The following MYO1H variants were observed in gnomAD, a reference collection of about 807,000 sequenced individuals.
MYO1H encodes the protein myosin IH.
In MYO1H, 118 loss-of-function variants were observed where a neutral mutation model predicts 149.3. The ratio of observed to expected loss-of-function variants is 0.79; its 90% CI spans 0.68 to 0.92. The LOEUF (loss-of-function observed/expected upper bound fraction) is 0.92, where lower values mean the gene tolerates loss of function less well. Ranked by LOEUF, MYO1H falls within the 40% of genes least tolerant of loss-of-function variation. The pLI, the probability that MYO1H is intolerant of heterozygous loss-of-function variation, is 0.00. For missense variants in MYO1H, 1,212 were observed against 1,280.7 expected (o/e 0.95, Z 0.82); for synonymous variants, 447 against 465.2 (o/e 0.96, Z 0.50).
the MYO1H span, among the ~76,000 whole-genome samples, chr12:109,326,990 A>G: frequency 2.0e-5 from 3 of 152,132 alleles, no homozygotes; most frequent in Admixed American, 6.6e-5. Flanking sequence ...CATCTCTTAG[A>G]TATTAACACT....
At chr12:109,356,812 C>G (rs1166744271) in intron 1 of MYO1H, among the ~76,000 whole-genome samples, 1 of 152,148 alleles carries the variant, frequency 6.6e-6, no homozygotes, top group Non-Finnish European at 1.5e-5. Flanking sequence ...AATAAAACAC[C>G]AACAGTCCCC....
chr12:109,438,679 T>C, intron 23 of MYO1H, 59 bp downstream of exon 23: 2 of 1,298,388 alleles, frequency 1.5e-6, no homozygotes, highest in East Asian at 4.9e-5. Context: ...CCTGCAGGGA[T>C]GGTCATGGAG....
intron 1 of MYO1H, among the ~76,000 whole-genome samples, chr12:109,360,895 A>G (rs1868729859): frequency 6.6e-6 from 1 of 152,206 alleles, no homozygotes; most frequent in South Asian, 2.1e-4. Flanking sequence ...TTGAAGGTAT[A>G]ACGGAGTAGT....
intron 23 of MYO1H, 120 bp from the exon 24 acceptor site, chr12:109,439,511 A>C: frequency 1.0e-6 from 1 of 1,003,506 alleles, no homozygotes; most frequent in Non-Finnish European, 1.5e-6. Context: ...CCTCTGGCCT[A>C]TGTGGTCATC....
chr12:109,437,568 C>T (rs1262663616), intron 22 of MYO1H, among the ~76,000 whole-genome samples: 2 of 152,098 alleles, frequency 1.3e-5, no homozygotes, highest in Non-Finnish European at 2.9e-5. Context: ...AGGAAAGTAG[C>T]TTTAGATAAT....
rs1872269134 is a variant in MYO1H at position 109,443,127 on chromosome 12, T to TGTGTATATGTGTAC, written c.2689-387_2689-386insGTGTATATGTGTAC. Among the ~76,000 whole-genome samples, 125 of 13,060 alleles carry TGTGTATATGTGTAC rather than the reference T, an allele frequency of 9.6e-3. 7 individuals are homozygous for TGTGTATATGTGTAC. Among genetic ancestry groups the TGTGTATATGTGTAC allele is most frequent in the East Asian group, 0.023 (5 of 220 alleles). 8.6% of individuals were successfully genotyped at this position (13,060 alleles called of 152,430 possible). A position where few individuals can be genotyped will look rare whatever the true frequency, so the allele number is the denominator to read the frequency against. ...ACGTATATGTGTGTATATGTGTACG[T>TGTGTATATGTGTAC]ATATATGTGTGTATATGTGTACGTA... On this transcript the variant is annotated intron_variant, in intron 27 of 31. Transcript: ENST00000310903.
At chr12:109,445,061 G>T (rs1483000321) in intron 30 of MYO1H, among the ~76,000 whole-genome samples, 4 of 152,164 alleles carry the variant, frequency 2.6e-5, no homozygotes, top group Non-Finnish European at 4.4e-5. Flanking sequence ...TCAGAGAAAT[G>T]AAGTCAGTGA....
intron 23 of MYO1H, among the ~76,000 whole-genome samples, chr12:109,439,223 C>T (rs573067556): frequency 6.6e-6 from 1 of 152,182 alleles, no homozygotes; most frequent in East Asian, 1.9e-4. Flanking sequence ...TACAGGCACA[C>T]ACCACCACAC....
chr12:109,362,969 A>T (rs933447147), intron 1 of MYO1H, among the ~76,000 whole-genome samples: 4 of 152,204 alleles, frequency 2.6e-5, no homozygotes, highest in Non-Finnish European at 5.9e-5. Flanking sequence ...CAGGGAGTGA[A>T]GTTGGAGAGT....
At chr12:109,327,133 TC>T in the MYO1H span, among the ~76,000 whole-genome samples, 300 of 130,000 alleles carry the variant, frequency 2.3e-3, 24 homozygotes, top group Middle Eastern at 7.5e-3. Flanking sequence ...TTTTTCTTTT[TC>T]TTTTTTTTTT....
chr12:109,429,579 C>T (rs1399319814), intron 19 of MYO1H, among the ~76,000 whole-genome samples: 4 of 152,098 alleles, frequency 2.6e-5, no homozygotes, highest in Non-Finnish European at 5.9e-5. Context: ...TATGCAAACA[C>T]TATGCCATTT....
At chr12:109,409,992 A>G (rs1870595328) in exon 12 of MYO1H, 2 of 1,540,604 alleles carry the variant, frequency 1.3e-6, no homozygotes, top group Non-Finnish European at 8.8e-7. Flanking sequence ...AATTACTGCA[A>G]TGAGAAACTC....
the MYO1H span, among the ~76,000 whole-genome samples, chr12:109,328,388 TCTTG>T: frequency 6.6e-6 from 1 of 151,798 alleles, no homozygotes; most frequent in Non-Finnish European, 1.5e-5. Context: ...GAGATGGGGG[TCTTG>T]CTTATGTTGC....
chr12:109,365,821 C>A (rs1286262992), intron 1 of MYO1H, among the ~76,000 whole-genome samples: 3 of 152,168 alleles, frequency 2.0e-5, no homozygotes, highest in Non-Finnish European at 4.4e-5. Context: ...GGGTACCCAA[C>A]CCCTGGGCAG....
chr12:109,393,886 C>G (rs1566025493), intron 3 of MYO1H, among the ~76,000 whole-genome samples: 1 of 152,152 alleles, frequency 6.6e-6, no homozygotes, highest in Non-Finnish European at 1.5e-5. Flanking sequence ...TTAAGTGTGG[C>G]TGGAGAGATG....
Position 109,438,585 on chromosome 12 carries a change from C to T in MYO1H, c.2259C>T (p.Ile753=), listed in dbSNP as rs779268941. 2.5e-6 allele frequency: 4 copies of T among 1,613,190 alleles called. No individual in the cohort carries two copies. In the Admixed American group the frequency reaches 5.0e-5, roughly 20 times the overall value. The change falls in exon 23 of 32, where the codon ATC becomes ATT. Residue 753 remains isoleucine (I), a synonymous_variant. Coordinates refer to ENST00000310903, the Ensembl canonical transcript of MYO1H. ...GTGGGGCCCTGGCTCGGAAGGCAAT[C>T]CAAAGGAGAAAGTGGGCCGTGCGGA...
At chr12:109,443,382 A>G in intron 27 of MYO1H, 132 bp from the exon 28 acceptor site, 1 of 845,776 alleles carries the variant, frequency 1.2e-6, no homozygotes. Context: ...ACACACACAC[A>G]CACACACACA....
intron 1 of MYO1H, among the ~76,000 whole-genome samples, chr12:109,386,617 G>A (rs1243332161): frequency 6.6e-6 from 1 of 152,148 alleles, no homozygotes; most frequent in Non-Finnish European, 1.5e-5. Context: ...TTTTCTATGT[G>A]TGTATTGCCA....
intron 1 of MYO1H, among the ~76,000 whole-genome samples, chr12:109,376,652 C>T (rs997619490): frequency 5.3e-5 from 8 of 152,184 alleles, no homozygotes; most frequent in Non-Finnish European, 7.3e-5. Flanking sequence ...ACACTGGTGT[C>T]TTTGTATCCC....
Sources: gnomAD v4.1 joint callset for allele counts (sites outside exome capture counted in the v4.1 genomes callset) on GRCh38, gnomAD v4.1.1 for gene constraint, MANE v1.5 for transcripts, NCBI Gene and HGNC (gene_info 2026-07-23, HGNC 2026-07-21) for gene names.